SPAG9: variants seen among roughly 807,000 people sequenced by gnomAD.
SPAG9 encodes the protein sperm associated antigen 9, also known as C-Jun-amino-terminal kinase-interacting protein 4.
In SPAG9, 35 loss-of-function variants were observed where a neutral mutation model predicts 166.5. The observed-to-expected ratio is 0.21, with a 90% CI of 0.16 to 0.28. The LOEUF (loss-of-function observed/expected upper bound fraction) is 0.28, where lower values mean the gene tolerates loss of function less well. Ranked by LOEUF, SPAG9 falls within the 10% of genes least tolerant of loss-of-function variation. The pLI is 1.00. For missense variants in SPAG9, 1,235 were observed against 1,603.3 expected, an observed-to-expected ratio of 0.77 and a Z score of 3.92; for synonymous variants, 534 against 565.5, an observed-to-expected ratio of 0.94 and a Z score of 0.79.
chr17:51,031,134 T>TG (rs1186791853), intron 6 of SPAG9: 1 of 155,302 alleles, frequency 6.4e-6, no homozygotes, highest in Non-Finnish European at 1.4e-5. Context: ...ATGCTGGTCT[T>TG]GAACTCCTAC....
intron 1 of SPAG9, among the ~76,000 whole-genome samples, chr17:51,113,388 C>A (rs4793682): frequency 0.54 from 77,972 of 145,558 alleles, 21,183 homozygotes; most frequent in African/African-American, 0.56. Context: ...AAAGAAAAAG[C>A]AAATAGGTTG....
chr17:51,115,919 A>G (rs2049275355), intron 1 of SPAG9, among the ~76,000 whole-genome samples: 1 of 152,218 alleles, frequency 6.6e-6, no homozygotes, highest in Non-Finnish European at 1.5e-5. Flanking sequence ...CCTCTACTGA[A>G]TGATGCTAAA....
intron 2 of SPAG9, among the ~76,000 whole-genome samples, chr17:51,072,099 T>C (rs1412887916): frequency 2.0e-5 from 3 of 152,144 alleles, no homozygotes; most frequent in Non-Finnish European, 4.4e-5. Context: ...TTAGACTGAG[T>C]CTTGCTTTAT....
At chr17:51,073,349 G>A (rs975823979) in intron 2 of SPAG9, among the ~76,000 whole-genome samples, 8 of 151,672 alleles carry the variant, frequency 5.3e-5, no homozygotes, top group Admixed American at 3.3e-4. Flanking sequence ...AATTAGCCAC[G>A]TGTGGTGGCA....
Position 50,963,538 on chromosome 17 carries a change from C to G in SPAG9, c.*2734G>C, listed in dbSNP as rs1415265182. 1.3e-5 allele frequency: 2 copies of G among 152,184 alleles called. No individual in the cohort carries two copies. Among genetic ancestry groups the G allele is most frequent in the Non-Finnish European group, 2.9e-5 (2 of 68,032 alleles). The allele number at this position is 152,184 out of a possible 1,614,324, so 9.4% of individuals were successfully genotyped here. On this transcript the variant is annotated 3_prime_UTR_variant, in exon 30 of 30. Transcript: ENST00000262013. ...AACAGGGCCACAGATAATCTGACAT[C>G]TTTAGATAAAACAACTACACACCTA...
chr17:50,977,847 GCAC>G (rs1974309472), intron 26 of SPAG9, among the ~76,000 whole-genome samples: 1 of 152,154 alleles, frequency 6.6e-6, no homozygotes, highest in African/African-American at 2.4e-5. Flanking sequence ...TCCAACCACT[GCAC>G]TCCAGCCTGT....
chr17:51,001,677 T>C (rs181679792), intron 13 of SPAG9, 38 bp downstream of exon 13: 4 of 1,585,076 alleles, frequency 2.5e-6, no homozygotes, highest in Non-Finnish European at 2.6e-6. Flanking sequence ...ACCTACAAAA[T>C]AATAGTAGGA....
chr17:51,066,816 T>C (rs2047684758), intron 2 of SPAG9, among the ~76,000 whole-genome samples: 1 of 151,250 alleles, frequency 6.6e-6, no homozygotes, highest in South Asian at 2.1e-4. Flanking sequence ...CGCTTGAACC[T>C]GGGAGGTGGG....
rs115585511 is a variant in SPAG9, at chr17:51,047,210, G to A, written c.590+165C>T. On this transcript the variant is annotated intron_variant, in intron 4 of 29. Transcript: ENST00000262013. ...ATTTATCTTTTTAATGGTAAAAACC[G>A]TTTCTACTTTTCTGTGCTATTCTCT... is the stretch of plus-strand genomic sequence containing the variant. 2.2e-3 allele frequency among the ~76,000 whole-genome samples: 336 copies of A among 152,244 alleles called. 1 individual carries two copies. The highest frequency in any genetic ancestry group is 7.7e-3 in the African/African-American group (321 of 41,540).
In SPAG9 at chr17:50,962,759, G is replaced by C. The variant is rs1973188926; in HGVS notation, c.*3513C>G. 6.6e-6 allele frequency: 1 copy of C among 152,146 alleles called. No homozygotes were observed. Among genetic ancestry groups the C allele is most frequent in the Non-Finnish European group, 1.5e-5 (1 of 68,002 alleles). The allele number at this position is 152,146 out of a possible 1,614,324, so 9.4% of individuals were successfully genotyped here. ...TATTATGACACATCTGTTTTATTTT[G>C]TTACTAAGGCAGCCTATGTTAAAGG... On this transcript the variant is annotated 3_prime_UTR_variant, in exon 30 of 30. Transcript: ENST00000262013.
At position 51,020,260 on chromosome 17, in the gene SPAG9, T is replaced by G. The variant is rs560673149; in HGVS notation, c.992-2A>C. 6.3e-7 allele frequency: 1 copy of G among 1,599,520 alleles called. No individual in the cohort carries two copies. On this transcript the variant is annotated splice_acceptor_variant, in intron 7 of 29. Transcript: ENST00000262013. LOFTEE classifies it high-confidence loss of function. ...ACTTTTCTTCATTTTCAGCAGAGCCTTAAAAAAGGACATGATGAAATAAAC... is the reference window on the plus strand; with the variant it reads ...ACTTTTCTTCATTTTCAGCAGAGCCGTAAAAAAGGACATGATGAAATAAAC...
intron 4 of SPAG9, chr17:51,042,616 T>C (rs915031489): frequency 1.3e-5 from 2 of 152,178 alleles, no homozygotes; most frequent in African/African-American, 4.8e-5. Flanking sequence ...AAAATTTCAG[T>C]TTTGCTAAGT....
intron 1 of SPAG9, among the ~76,000 whole-genome samples, chr17:51,114,195 G>A (rs556118505): frequency 1.2e-4 from 18 of 151,964 alleles, no homozygotes; most frequent in African/African-American, 3.4e-4. Flanking sequence ...GCGTGCTGGC[G>A]CGTGCCTGTA....
intron 9 of SPAG9, among the ~76,000 whole-genome samples, chr17:51,013,426 G>C (rs1369533936): frequency 6.6e-6 from 1 of 152,152 alleles, no homozygotes; most frequent in Non-Finnish European, 1.5e-5. Flanking sequence ...AAATATTTTA[G>C]GCTTCAGATT....
In SPAG9 at chr17:51,120,013, G is replaced by C. The variant is rs1439397089; in HGVS notation, c.303+341C>G. Among the ~76,000 whole-genome samples the C allele has an allele frequency of 2.0e-5, 3 of 152,176 alleles. No homozygotes were observed. Among genetic ancestry groups the C allele is most frequent in the Non-Finnish European group, 2.9e-5 (2 of 68,050 alleles). The stretch of plus-strand genomic sequence containing the variant: ...TTGAACCGCCATCTGACTATCCCAC[G>C]GTGGTCGGAAACTTCCCTCAACAAG... On this transcript the variant is annotated intron_variant, in intron 1 of 29. Transcript: ENST00000262013. The surrounding 1 kb of genome is among the most constrained non-coding windows in gnomAD (Gnocchi z 4.7).
intron 21 of SPAG9, among the ~76,000 whole-genome samples, chr17:50,988,772 C>G (rs985423584): frequency 6.6e-6 from 1 of 152,136 alleles, no homozygotes; most frequent in Non-Finnish European, 1.5e-5. Context: ...TCAGGTTGGT[C>G]TTGAACTCCT....
intron 2 of SPAG9, among the ~76,000 whole-genome samples, chr17:51,074,216 A>T (rs2047903993): frequency 6.6e-6 from 1 of 152,078 alleles, no homozygotes; most frequent in Non-Finnish European, 1.5e-5. Context: ...AGACTGGGCG[A>T]CAGAGCGAGA....
chr17:50,997,801 C>T lies in SPAG9; in HGVS notation c.1838+643G>A, dbSNP rs183255387. 3.3e-5 allele frequency among the ~76,000 whole-genome samples: 5 copies of T among 152,180 alleles called. No homozygotes were observed. The East Asian group carries it at 9.7e-4, about 29-fold the overall frequency. On this transcript the variant is annotated intron_variant, in intron 15 of 29. Coordinates refer to ENST00000262013, the MANE Select transcript of SPAG9 (RefSeq NM_001130528.3). ...TAAAGTCAGGATGGAAAACCAAGTC[C>T]TCTGACACCAACAGAAATGTTCAAA...
intron 8 of SPAG9, among the ~76,000 whole-genome samples, chr17:51,016,884 A>C (rs747500562): frequency 1.3e-5 from 2 of 152,220 alleles, no homozygotes; most frequent in African/African-American, 4.8e-5. Context: ...CTGGGCGACA[A>C]AGCGAGACTC....
Sources: gnomAD v4.1 joint callset for allele counts (sites outside exome capture counted in the v4.1 genomes callset) on GRCh38, gnomAD v4.1.1 for gene constraint, Gnocchi (gnomAD v3.1) non-coding constraint, MANE v1.5 for transcripts, NCBI Gene and HGNC (gene_info 2026-07-23, HGNC 2026-07-21) for gene names.